Variants in CLCN5 observed in about 807,000 individuals in gnomAD.
The protein encoded by CLCN5 is Cl-/H+ antiporter 5.
In CLCN5, 17 loss-of-function variants were observed where a neutral mutation model predicts 54.0. That is an observed-to-expected ratio of 0.31 (90% CI 0.22 to 0.47). The LOEUF is 0.47. CLCN5 is among the 20% of genes least tolerant of loss of function. The pLI, the probability that CLCN5 is intolerant of heterozygous loss-of-function variation, is 1.00. For missense variants in CLCN5, 448 were observed against 646.7 expected (o/e 0.69, Z 3.33); for synonymous variants, 222 against 233.0 (o/e 0.95, Z 0.43).
intron 3 of CLCN5, among the ~76,000 whole-genome samples, chrX:49,962,044 T>A (rs1349537401): frequency 8.9e-6 from 1 of 112,269 alleles, no homozygotes; most frequent in Non-Finnish European, 1.9e-5. Flanking sequence ...AAAGCTTCCA[T>A]GTGCCCTTTA....
chrX:50,084,446 A>G (rs187950936), intron 9 of CLCN5, among the ~76,000 whole-genome samples: 68 of 109,104 alleles, frequency 6.2e-4, no homozygotes, highest in African/African-American at 2.2e-3. Flanking sequence ...CAGTAGTGTG[A>G]TCTCAGTTCA....
chrX:49,964,896 C>T (rs910381230), intron 3 of CLCN5, among the ~76,000 whole-genome samples: 3 of 111,095 alleles, frequency 2.7e-5, no homozygotes, highest in African/African-American at 9.8e-5. Flanking sequence ...TCCTACAGAC[C>T]GCACATAGGA....
chrX:49,952,089 C>G (rs1557173096), intron 3 of CLCN5, among the ~76,000 whole-genome samples: 1 of 111,895 alleles, frequency 8.9e-6, no homozygotes, highest in Non-Finnish European at 1.9e-5. Context: ...TAAAATGGCC[C>G]CATCTTGAAA....
At chrX:50,078,679 C>T (rs1409691273) in intron 7 of CLCN5, among the ~76,000 whole-genome samples, 1 of 112,800 alleles carries the variant, frequency 8.9e-6, no homozygotes, top group South Asian at 3.6e-4. Context: ...CCTCATGCTG[C>T]CCCTTTATAG....
intron 3 of CLCN5, among the ~76,000 whole-genome samples, chrX:49,935,566 G>C (rs1468152296): frequency 6.3e-5 from 7 of 111,762 alleles, no homozygotes. Flanking sequence ...TACTAGAAAA[G>C]TCAAGTCCTA....
chrX:50,049,000 T>A lies in CLCN5; in HGVS notation c.163+6538T>A, dbSNP rs998727834. 2.1e-4 allele frequency among the ~76,000 whole-genome samples: 23 copies of A among 111,047 alleles called. No individual in the cohort carries two copies. In the Middle Eastern group the frequency reaches 0.014, roughly 67 times the overall value. ...ATGAGATCATACTCATGTCTCTAAT[T>A]CTAATCTATTACCACATGGATCACT... On this transcript the variant is annotated intron_variant, in intron 4 of 14. Coordinates refer to ENST00000376091, the MANE Select transcript of CLCN5 (RefSeq NM_001127898.4).
At chrX:50,091,204 AT>A (rs1362220790) in intron 14 of CLCN5, among the ~76,000 whole-genome samples, 1 of 111,638 alleles carries the variant, frequency 9.0e-6, no homozygotes, top group African/African-American at 3.3e-5. Flanking sequence ...GTAATAGTGT[AT>A]TTGCTGGGTG....
At chrX:50,066,819 C>G (rs1933041916) in intron 4 of CLCN5, among the ~76,000 whole-genome samples, 2 of 112,306 alleles carry the variant, frequency 1.8e-5, no homozygotes, top group Non-Finnish European at 1.9e-5. Context: ...TGACTATACT[C>G]TGGGTTTTCA....
intron 3 of CLCN5, among the ~76,000 whole-genome samples, chrX:49,955,594 A>G (rs1557173805): frequency 9.0e-6 from 1 of 111,589 alleles, no homozygotes; most frequent in Non-Finnish European, 1.9e-5. Context: ...GATTTGACTC[A>G]GTATCTTTAC....
chrX:50,046,675 TA>T (rs1239074286), intron 4 of CLCN5, among the ~76,000 whole-genome samples: 3 of 111,390 alleles, frequency 2.7e-5, no homozygotes, highest in Admixed American at 1.9e-4. Context: ...TCAAATGAAC[TA>T]AAAGCAGAGG....
At chrX:50,088,555 C>T in intron 11 of CLCN5, 143 bp from the exon 12 acceptor site, 1 of 570,138 alleles carries the variant, frequency 1.8e-6, no homozygotes, top group South Asian at 2.6e-5. Context: ...GTTACACACA[C>T]CTTTACAGCC....
In CLCN5 at chrX:50,096,720, A is replaced by C. The variant is rs1326789769; in HGVS notation, c.*4501A>C. On this transcript the variant is annotated 3_prime_UTR_variant, in exon 15 of 15. Coordinates refer to ENST00000376091, the MANE Select transcript of CLCN5 (RefSeq NM_001127898.4). The stretch of plus-strand genomic sequence containing the variant: ...AAAGCCCTGGTAAGAAAATATTTGA[A>C]TGGTGTAAGATGGTGGAAGGAAAGC... The C allele has an allele frequency of 4.4e-5, 5 of 112,683 alleles. No homozygotes were observed. The highest frequency in any genetic ancestry group is 1.3e-4 in the African/African-American group (4 of 30,697). 9.3% of individuals were successfully genotyped at this position (112,683 alleles called of 1,213,427 possible).
In CLCN5 at chrX:50,096,703, G is replaced by C. The variant is rs1557195672; in HGVS notation, c.*4484G>C. 8.9e-6 allele frequency: 1 copy of C among 112,399 alleles called. No individual in the cohort carries two copies. The highest frequency in any genetic ancestry group is 1.9e-5 in the Non-Finnish European group (1 of 53,088). 9.3% of individuals were successfully genotyped at this position (112,399 alleles called of 1,213,427 possible). A position where few individuals can be genotyped will look rare whatever the true frequency, so the allele number is the denominator to read the frequency against. On this transcript the variant is annotated 3_prime_UTR_variant, in exon 15 of 15. Transcript: ENST00000376091. Reference sequence around the variant, plus strand: ...AAGTTATGGCCATAGAAAAAGCCCTGGTAAGAAAATATTTGAATGGTGTAA... The same window carrying C: ...AAGTTATGGCCATAGAAAAAGCCCTCGTAAGAAAATATTTGAATGGTGTAA...
intron 11 of CLCN5, among the ~76,000 whole-genome samples, chrX:50,087,537 G>A (rs1312211556): frequency 9.0e-6 from 1 of 111,406 alleles, no homozygotes; most frequent in Admixed American, 9.5e-5. Flanking sequence ...ATTTGTTAAG[G>A]TATTTTCCTC....
At chrX:49,943,877 G>A (rs199750083) in intron 3 of CLCN5, among the ~76,000 whole-genome samples, 2 of 111,166 alleles carry the variant, frequency 1.8e-5, no homozygotes, top group Non-Finnish European at 3.8e-5. Flanking sequence ...GATTGACTTG[G>A]CAATGCGGGC....
intron 3 of CLCN5, among the ~76,000 whole-genome samples, chrX:50,019,468 C>CT (rs1175073117): frequency 0.035 from 1,680 of 47,654 alleles, 25 homozygotes; most frequent in Middle Eastern, 0.07. Flanking sequence ...TTTTTTTTTT[C>CT]TTTTTTTTTT....
chrX:49,925,443 CAGGGACAAA>C lies in CLCN5; in HGVS notation c.16+131_16+139del, dbSNP rs1357685708. On this transcript the variant is annotated intron_variant, in intron 3 of 14. Coordinates refer to ENST00000376091, the MANE Select transcript of CLCN5 (RefSeq NM_001127898.4). ...TCTTTAATTTAACCCTTTGTCTTTG[CAGGGACAAA>C]ACACATTAGTTTAAAAAGAAGCTGC... 5.1e-5 allele frequency: 33 copies of C among 651,300 alleles called. No homozygotes were observed. In the Admixed American group the frequency reaches 8.0e-4, roughly 16 times the overall value. 53.7% of individuals were successfully genotyped at this position (651,300 alleles called of 1,213,427 possible).
chrX:50,051,099 C>T (rs1932572528), intron 4 of CLCN5, among the ~76,000 whole-genome samples: 1 of 111,834 alleles, frequency 8.9e-6, no homozygotes, highest in Non-Finnish European at 1.9e-5. Flanking sequence ...ATCACTGAAT[C>T]CAAAATCATG....
chrX:49,942,335 TC>T (rs1306340744), intron 3 of CLCN5, among the ~76,000 whole-genome samples: 1 of 107,361 alleles, frequency 9.3e-6, no homozygotes, highest in Admixed American at 1.0e-4. Context: ...TGTGAACTCT[TC>T]CAGCTAATAA....
Sources: gnomAD v4.1 joint callset for allele counts (sites outside exome capture counted in the v4.1 genomes callset) on GRCh38, gnomAD v4.1.1 for gene constraint, MANE v1.5 for transcripts, NCBI Gene and HGNC (gene_info 2026-07-23, HGNC 2026-07-21) for gene names.